BFSP2: variants seen among roughly 807,000 people sequenced by gnomAD.
The protein encoded by BFSP2 is beaded filament structural protein 2, also known as phakinin.
A neutral mutation model predicts 44.9 loss-of-function variants in BFSP2; 38 were observed. The observed-to-expected ratio is 0.85, with a 90% confidence interval of 0.65 to 1.11. The LOEUF (loss-of-function observed/expected upper bound fraction) is 1.11. Among genes scored for constraint, BFSP2 ranks in the 50% least tolerant of loss-of-function variants. The pLI is 0.00. For synonymous variants in BFSP2, 197 were observed against 209.9 expected (o/e 0.94, Z 0.53); for missense variants, 525 against 533.0 (o/e 0.99, Z 0.15).
intron 1 of BFSP2, among the ~76,000 whole-genome samples, chr3:133,406,420 A>T (rs1337819569): frequency 2.6e-5 from 4 of 152,194 alleles, no homozygotes; most frequent in African/African-American, 9.7e-5. Flanking sequence ...TAAACCTCTT[A>T]AGATCTCTTA....
At chr3:133,419,856 A>G (rs1216297432) in intron 1 of BFSP2, among the ~76,000 whole-genome samples, 1 of 152,228 alleles carries the variant, frequency 6.6e-6, no homozygotes, top group Non-Finnish European at 1.5e-5. Flanking sequence ...AGGCAGAATG[A>G]CTTTATCTGA....
At chr3:133,456,273 A>G (rs1234855496) in intron 4 of BFSP2, among the ~76,000 whole-genome samples, 1 of 152,230 alleles carries the variant, frequency 6.6e-6, no homozygotes, top group East Asian at 1.9e-4. Context: ...AGATTGTGCA[A>G]ACTATTAAGA....
intron 1 of BFSP2, among the ~76,000 whole-genome samples, chr3:133,427,256 T>G (rs1404448827): frequency 6.6e-6 from 1 of 152,230 alleles, no homozygotes; most frequent in Non-Finnish European, 1.5e-5. Context: ...TCGTCACCAT[T>G]GGTGGGACTT....
intron 1 of BFSP2, among the ~76,000 whole-genome samples, chr3:133,436,092 G>A (rs372679235): frequency 3.7e-4 from 56 of 152,016 alleles, no homozygotes; most frequent in African/African-American, 4.6e-4. Flanking sequence ...GGCTGGGCAC[G>A]ATGGCTTATG....
intron 1 of BFSP2, among the ~76,000 whole-genome samples, chr3:133,429,904 A>T (rs10935063): frequency 6.7e-6 from 1 of 150,034 alleles, no homozygotes; most frequent in South Asian, 2.1e-4. Flanking sequence ...ATCCCTCCCC[A>T]CTACCCCCAC....
At chr3:133,429,639 T>G (rs1320394235) in intron 1 of BFSP2, 1 of 152,344 alleles carries the variant, frequency 6.6e-6, no homozygotes, top group African/African-American at 2.4e-5. Flanking sequence ...CTTCACTTAT[T>G]GTGTTTTTGA....
chr3:133,417,470 CT>C (rs2073549163), intron 1 of BFSP2, among the ~76,000 whole-genome samples: 1 of 127,080 alleles, frequency 7.9e-6, no homozygotes, highest in Non-Finnish European at 1.7e-5. Context: ...CACCCCTACC[CT>C]CTCCCCTCTA....
intron 2 of BFSP2, among the ~76,000 whole-genome samples, chr3:133,448,031 C>A (rs1204097499): frequency 1.3e-5 from 2 of 152,232 alleles, no homozygotes; most frequent in Non-Finnish European, 1.5e-5. Context: ...GGGTTTGCAG[C>A]CACTCTCCTG....
At chr3:133,455,585 C>A (rs923636513) in intron 4 of BFSP2, 3 of 152,218 alleles carry the variant, frequency 2.0e-5, no homozygotes, top group Admixed American at 2.0e-4. Flanking sequence ...AATTACATGT[C>A]AAAATCTCTT....
chr3:133,451,414 G>C (rs1472871511), intron 4 of BFSP2, among the ~76,000 whole-genome samples: 2 of 152,210 alleles, frequency 1.3e-5, no homozygotes, highest in African/African-American at 2.4e-5. Context: ...AATATTTCAG[G>C]CTTCTTGGGC....
intron 5 of BFSP2, among the ~76,000 whole-genome samples, chr3:133,470,018 CT>C (rs35437874): frequency 0.34 from 51,622 of 152,074 alleles, 10,002 homozygotes; most frequent in East Asian, 0.59. Flanking sequence ...AAGTTAAGTA[CT>C]TTCATGCATA....
intron 6 of BFSP2, among the ~76,000 whole-genome samples, chr3:133,473,480 T>C (rs1174908514): frequency 2.0e-5 from 3 of 150,768 alleles, no homozygotes; most frequent in Non-Finnish European, 4.4e-5. Context: ...TTTTTTTTAT[T>C]GATCATTCTT....
At chr3:133,469,511 A>G (rs867798551) in intron 5 of BFSP2, among the ~76,000 whole-genome samples, 2 of 152,244 alleles carry the variant, frequency 1.3e-5, no homozygotes, top group African/African-American at 4.8e-5. Context: ...AATGGAATTC[A>G]AGGCCAGAAG....
chr3:133,407,888 T>A (rs527976932), intron 1 of BFSP2, among the ~76,000 whole-genome samples: 72 of 152,198 alleles, frequency 4.7e-4, no homozygotes, highest in African/African-American at 1.6e-3. Flanking sequence ...TCTAAATGTA[T>A]CCTAGATATA....
At chr3:133,452,065 G>A (rs187488698) in intron 4 of BFSP2, among the ~76,000 whole-genome samples, 107 of 152,270 alleles carry the variant, frequency 7.0e-4, no homozygotes, top group Admixed American at 1.4e-3. Flanking sequence ...TTCAAAAATC[G>A]CCATCCCAGA....
chr3:133,466,725 C>T (rs2074114016), intron 4 of BFSP2, 103 bp from the exon 5 acceptor site: 1 of 826,456 alleles, frequency 1.2e-6, no homozygotes, highest in South Asian at 1.3e-5. Flanking sequence ...GCTGTATTTC[C>T]TCTGGTTAGA....
chr3:133,416,252 C>T (rs1482866701), intron 1 of BFSP2, among the ~76,000 whole-genome samples: 2 of 146,280 alleles, frequency 1.4e-5, no homozygotes, highest in African/African-American at 5.3e-5. Context: ...TGCCCTCTCC[C>T]CTGTCCTCTC....
chr3:133,429,971 G>T (rs2073695000), intron 1 of BFSP2, among the ~76,000 whole-genome samples: 1 of 150,186 alleles, frequency 6.7e-6, no homozygotes, highest in Non-Finnish European at 1.5e-5. Context: ...TGTTCTCATT[G>T]TTCAATTCCC....
chr3:133,473,712 C>T (rs568275083), intron 6 of BFSP2, among the ~76,000 whole-genome samples: 12 of 151,516 alleles, frequency 7.9e-5, no homozygotes, highest in South Asian at 2.1e-4. Context: ...CATCTTGCAC[C>T]GCCCTTAATC....
Sources: gnomAD v4.1 joint callset for allele counts (sites outside exome capture counted in the v4.1 genomes callset) on GRCh38, gnomAD v4.1.1 for gene constraint, MANE v1.5 for transcripts, NCBI Gene and HGNC (gene_info 2026-07-23, HGNC 2026-07-21) for gene names.